LCTL: variants seen among roughly 807,000 people sequenced by gnomAD.
LCTL encodes the protein lactase-like protein.
Under a neutral mutation model 75.8 loss-of-function variants are expected in LCTL, and 76 were observed. The ratio of observed to expected loss-of-function variants is 1.00; its 90% CI spans 0.83 to 1.21. The LOEUF (loss-of-function observed/expected upper bound fraction) is 1.21. Among genes scored for constraint, LCTL ranks in the 50% most tolerant of loss-of-function variants. LCTL has a pLI of 0.00. For synonymous variants in LCTL, 271 were observed against 268.8 expected (o/e 1.01, Z -0.08); for missense variants, 670 against 712.4 (o/e 0.94, Z 0.68).
chr15:66,549,924 C>T lies in LCTL; in HGVS notation c.1588+117G>A, dbSNP rs537763249. ...TGCTTCAAAGAAACCTGATTTTAAT[C>T]ATAAGTAGTTTTGGAAGATTGACTT... On this transcript the variant is annotated intron_variant, in intron 12 of 12. Coordinates refer to ENST00000341509, the Ensembl canonical transcript of LCTL. 1.7e-5 allele frequency: 10 copies of T among 571,448 alleles called. No homozygotes were observed. In the African/African-American group the frequency reaches 2.0e-4, roughly 11 times the overall value. The allele number at this position is 571,448 out of a possible 1,614,324, so 35.4% of individuals were successfully genotyped here. A position where few individuals can be genotyped will look rare whatever the true frequency, so the allele number is the denominator to read the frequency against.
intron 3 of LCTL, 75 bp downstream of exon 4, chr15:66,563,836 T>C (rs576758852): frequency 2.5e-6 from 3 of 1,189,182 alleles, no homozygotes; most frequent in Admixed American, 3.4e-5. Flanking sequence ...TCCCCAGGAC[T>C]CTGTGGTGCC....
intron 6 of LCTL, among the ~76,000 whole-genome samples, chr15:66,558,687 G>GTTTTTTTTT (rs11354993): frequency 1.0e-5 from 1 of 97,552 alleles, no homozygotes; most frequent in Non-Finnish European, 2.0e-5. Context: ...GTGTGTGTGT[G>GTTTTTTTTT]TTTTTTTTTT....
intron 12 of LCTL, chr15:66,549,078 T>C (rs1895494663): frequency 6.5e-6 from 1 of 152,758 alleles, no homozygotes. Flanking sequence ...AATAATCTTT[T>C]TAAGAGTTAA....
exon 10 of LCTL, chr15:66,552,097 A>C (rs1895621243): frequency 6.2e-7 from 1 of 1,611,972 alleles, no homozygotes; most frequent in African/African-American, 1.3e-5. Flanking sequence ...CACTCATCAC[A>C]TAATTGAGTA....
intron 11 of LCTL, among the ~76,000 whole-genome samples, chr15:66,550,822 A>G (rs1895572551): frequency 6.6e-6 from 1 of 152,108 alleles, no homozygotes; most frequent in South Asian, 2.1e-4. Flanking sequence ...CAATAGGTGC[A>G]GCAACAGAGA....
intron 6 of LCTL, among the ~76,000 whole-genome samples, chr15:66,560,731 T>G (rs1190523450): frequency 6.6e-6 from 1 of 152,208 alleles, no homozygotes; most frequent in Non-Finnish European, 1.5e-5. Context: ...TTCTTCCTCC[T>G]GTCACAGCTT....
exon 8 of LCTL, chr15:66,557,818 G>T: frequency 6.2e-7 from 1 of 1,614,150 alleles, no homozygotes; most frequent in Non-Finnish European, 8.5e-7. Context: ...GCAGCCTCTA[G>T]GTCCTTGGGG....
chr15:66,548,737 T>C, intron 12 of LCTL, 132 bp from the exon 14 acceptor site: 2 of 507,944 alleles, frequency 3.9e-6, no homozygotes, highest in Non-Finnish European at 3.6e-6. Context: ...TGATTCTTAT[T>C]TGCCATGAAA....
chr15:66,563,806 C>T (rs1474370665), intron 3 of LCTL, 105 bp downstream of exon 4: 20 of 960,816 alleles, frequency 2.1e-5, no homozygotes, highest in African/African-American at 6.4e-5. Context: ...TCAGCAACTA[C>T]GTTCATGGGC....
At chr15:66,548,815 G>A (rs921898276) in intron 12 of LCTL, 3 of 342,438 alleles carry the variant, frequency 8.8e-6, no homozygotes, top group African/African-American at 2.1e-5. Flanking sequence ...CAGAAAATAT[G>A]GGATAAATGC....
intron 6 of LCTL, 95 bp downstream of exon 7, chr15:66,560,911 A>T: frequency 9.6e-7 from 1 of 1,038,990 alleles, no homozygotes; most frequent in Non-Finnish European, 1.5e-6. Flanking sequence ...GCTGACTCGG[A>T]GGTGGAGCGG....
intron 6 of LCTL, among the ~76,000 whole-genome samples, chr15:66,560,491 A>T (rs1256782233): frequency 6.6e-6 from 1 of 152,094 alleles, no homozygotes; most frequent in Admixed American, 6.5e-5. Flanking sequence ...AGCAGAGGCC[A>T]TTTGTTCCAT....
intron 12 of LCTL, 93 bp downstream of exon 13, chr15:66,549,948 T>C: frequency 2.5e-6 from 2 of 805,538 alleles, no homozygotes; most frequent in Non-Finnish European, 3.7e-6. Context: ...GAAGATTGAC[T>C]TCAAGTAGAG....
chr15:66,561,322 A>G lies in LCTL; in HGVS notation c.481-7T>C. 6.2e-7 allele frequency: 1 copy of G among 1,614,254 alleles called. No homozygotes were observed. Among genetic ancestry groups the G allele is most frequent in the Non-Finnish European group, 8.5e-7 (1 of 1,180,038 alleles). Reference sequence around the variant, plus strand: ...CGTATTTGACCTGGAGCAGCTGTGAACACAGAGAAGCAGATGCCCCATGAA... The same window carrying G: ...CGTATTTGACCTGGAGCAGCTGTGAGCACAGAGAAGCAGATGCCCCATGAA... On this transcript the variant is annotated splice_polypyrimidine_tract_variant and splice_region_variant and intron_variant, in intron 4 of 12. Coordinates refer to ENST00000341509, the Ensembl canonical transcript of LCTL.
At chr15:66,565,096 A>AAAC in intron 1 of LCTL, 152 bp downstream of exon 2, 1 of 689,420 alleles carries the variant, frequency 1.5e-6, no homozygotes, top group Non-Finnish European at 2.6e-6. Context: ...CAAAAAAAAA[A>AAAC]TATCTGTTAG....
At position 66,563,599 on chromosome 15, in the gene LCTL, C is replaced by A. The variant is rs113055189; in HGVS notation, c.397G>T (p.Glu133Ter). Residue 133 changes from glutamate to a stop codon, truncating the protein, a stop_gained, in exon 4 of 13, where the codon GAA becomes TAA. Transcript: ENST00000341509. LOFTEE classifies it high-confidence loss of function. The stretch of plus-strand genomic sequence containing the variant: ...GCATCGATAAGATCACTGTAGAATT[C>A]GATTCCCTTCTTGTTCACCTGCTCG... 7 of 1,611,542 alleles carry A rather than the reference C, an allele frequency of 4.3e-6. No individual in the cohort carries two copies. Among genetic ancestry groups the A allele is most frequent in the South Asian group, 1.1e-5 (1 of 90,920 alleles).
chr15:66,564,807 G>A lies in LCTL; in HGVS notation c.151C>T (p.Gln51Ter). 1 of 1,613,090 alleles carries A rather than the reference G, an allele frequency of 6.2e-7. No individual in the cohort carries two copies. The highest frequency in any genetic ancestry group is 8.5e-7 in the Non-Finnish European group (1 of 1,179,950). Residue 51 changes from glutamine (Q) to a stop codon, truncating the protein, a stop_gained, in exon 2 of 13, where the codon CAG becomes TAG. Transcript: ENST00000341509. LOFTEE classifies it high-confidence loss of function. ...TCCTGGTCCCAGGCGCCCTCCGTCTGGTAGGCAGAACTGCCCACGCCCCAG... is the reference window on the plus strand; with the variant it reads ...TCCTGGTCCCAGGCGCCCTCCGTCTAGTAGGCAGAACTGCCCACGCCCCAG...
At position 66,553,060 on chromosome 15, in the gene LCTL, G is replaced by T. The variant is rs768946704; in HGVS notation, c.1121C>A (p.Pro374Gln). ...TTTAGACCCCAGATCTGGCCAGTTT[G>T]GGTCAACCAGCTCTATCAAGTCACG... Residue 374 changes from proline (P) to glutamine (Q), a missense_variant, in exon 9 of 13, where the codon CCA becomes CAA. Coordinates refer to ENST00000341509, the Ensembl canonical transcript of LCTL. 77 of 1,602,814 alleles carry T rather than the reference G, an allele frequency of 4.8e-5. No individual in the cohort carries two copies. Among genetic ancestry groups the T allele is most frequent in the Non-Finnish European group, 6.0e-5 (70 of 1,174,786 alleles).
chr15:66,561,398 G>A (rs1348128185), intron 4 of LCTL, 83 bp from the exon 6 acceptor site: 2 of 1,506,826 alleles, frequency 1.3e-6, no homozygotes, highest in Non-Finnish European at 1.8e-6. Flanking sequence ...ACAGTCCTCA[G>A]ACAAACAGGA....
Sources: gnomAD v4.1 joint callset for allele counts (sites outside exome capture counted in the v4.1 genomes callset) on GRCh38, gnomAD v4.1.1 for gene constraint, MANE v1.5 for transcripts, NCBI Gene and HGNC (gene_info 2026-07-23, HGNC 2026-07-21) for gene names.